Variants in LRP6 observed in about 807,000 individuals in gnomAD.
The protein encoded by LRP6 is low-density lipoprotein receptor-related protein 6.
Under a neutral mutation model 184.1 loss-of-function variants are expected in LRP6, and 43 were observed. That is an observed-to-expected ratio of 0.23 (90% confidence interval 0.18 to 0.30). The LOEUF is 0.30. Ranked by LOEUF, LRP6 falls within the 10% of genes least tolerant of loss-of-function variation. The probability of loss-of-function intolerance (pLI) is 1.00; values close to 1 mark genes in which losing one functional copy is unlikely to be tolerated. For synonymous variants in LRP6, 719 were observed against 684.9 expected, an observed-to-expected ratio of 1.05 and a Z score of -0.78; for missense variants, 1,571 against 2,005.3, an observed-to-expected ratio of 0.78 and a Z score of 4.14.
In LRP6 at chr12:12,119,366, A is replaced by C. The variant is rs1162750239; in HGVS notation, c.*1760T>G. 1 of 152,138 alleles carries C rather than the reference A, an allele frequency of 6.6e-6. No homozygotes were observed. The highest frequency in any genetic ancestry group is 1.5e-5 in the Non-Finnish European group (1 of 68,026). 9.4% of individuals were successfully genotyped at this position (152,138 alleles called of 1,614,324 possible). Reference sequence around the variant, plus strand: ...CAGAATTAAAAAAGAAAAAAAAAAAATTCAATAATTAACTGACCAACACCT... The same window carrying C: ...CAGAATTAAAAAAGAAAAAAAAAAACTTCAATAATTAACTGACCAACACCT... On this transcript the variant is annotated 3_prime_UTR_variant, in exon 23 of 23. Transcript: ENST00000261349.
chr12:12,193,772 A>T (rs373122281), intron 3 of LRP6, among the ~76,000 whole-genome samples: 1 of 152,106 alleles, frequency 6.6e-6, no homozygotes, highest in South Asian at 2.1e-4. Context: ...CCATGCCCAG[A>T]TGGCAGGAAA....
rs550296963 is a variant in LRP6 at position 12,152,168 on chromosome 12, G to T, written c.2792-1130C>A. Among the ~76,000 whole-genome samples the T allele has an allele frequency of 9.2e-5, 14 of 152,158 alleles. No homozygotes were observed. In the East Asian group the frequency reaches 2.3e-3, roughly 25 times the overall value. On this transcript the variant is annotated intron_variant, in intron 12 of 22. Transcript: ENST00000261349. Reference sequence around the variant, plus strand: ...AATAAGTCTCATGAGATCTGAAGGGGTTCCCACTTTTGCTTCTTTCTCATT... The same window carrying T: ...AATAAGTCTCATGAGATCTGAAGGGTTTCCCACTTTTGCTTCTTTCTCATT...
intron 1 of LRP6, among the ~76,000 whole-genome samples, chr12:12,249,818 A>G (rs1172525607): frequency 6.6e-6 from 1 of 152,030 alleles, no homozygotes; most frequent in Non-Finnish European, 1.5e-5. Context: ...TGTCCCTCTA[A>G]CTTTTTGTTG....
At chr12:12,158,719 C>A (rs1028317058) in intron 12 of LRP6, 110 bp downstream of exon 12, 3 of 1,050,780 alleles carry the variant, frequency 2.9e-6, no homozygotes, top group African/African-American at 1.6e-5. Context: ...AAACAAATAA[C>A]CCCCTCTGGA....
At chr12:12,155,604 T>A (rs917597641) in intron 12 of LRP6, 1 of 809,098 alleles carries the variant, frequency 1.2e-6, no homozygotes, top group African/African-American at 1.7e-5. Flanking sequence ...AAATGGAAAG[T>A]TATCAGAAAA....
intron 12 of LRP6, chr12:12,155,805 G>C: frequency 1.5e-6 from 1 of 648,152 alleles, no homozygotes. Context: ...CTTCTGGACT[G>C]TTAAAAAAAA....
intron 17 of LRP6, 125 bp downstream of exon 17, chr12:12,135,045 TGAATG>T (rs1949814156): frequency 7.7e-7 from 1 of 1,296,316 alleles, no homozygotes; most frequent in African/African-American, 1.5e-5. Flanking sequence ...ACAATACAAA[TGAATG>T]GAACACACGC....
chr12:12,238,006 C>T (rs1482224026), intron 2 of LRP6, among the ~76,000 whole-genome samples: 1 of 152,040 alleles, frequency 6.6e-6, no homozygotes, highest in Non-Finnish European at 1.5e-5. Context: ...TACACTAGAG[C>T]TATGTACAAT....
At position 12,180,001 on chromosome 12, in the gene LRP6, A is replaced by G. The variant is rs1591920166; in HGVS notation, c.1374-20T>C. The G allele has an allele frequency of 6.2e-7, 1 of 1,604,334 alleles. No individual in the cohort carries two copies. The highest frequency in any genetic ancestry group is 8.5e-7 in the Non-Finnish European group (1 of 1,171,320). The stretch of plus-strand genomic sequence containing the variant: ...ATGTACCTAGAGAAGTATACAAAAA[A>G]TGAGCTAAAAATAGATAATAAAATG... On this transcript the variant is annotated intron_variant, in intron 6 of 22. Transcript: ENST00000261349.
intron 8 of LRP6, 121 bp downstream of exon 8, chr12:12,164,946 AAAAAAAAAAGGC>A: frequency 2.2e-6 from 1 of 454,642 alleles, no homozygotes; most frequent in Non-Finnish European, 3.7e-6. Context: ...AAAAAAAAAA[AAAAAAAAAAGGC>A]GGGGGGGCAG....
chr12:12,167,761 C>G (rs997191692), intron 7 of LRP6, among the ~76,000 whole-genome samples: 1 of 152,054 alleles, frequency 6.6e-6, no homozygotes, highest in Admixed American at 6.5e-5. Context: ...GGTTCCTGTC[C>G]TTTAAAAATC....
At chr12:12,262,453 G>A (rs1198878982) in intron 1 of LRP6, among the ~76,000 whole-genome samples, 1 of 151,926 alleles carries the variant, frequency 6.6e-6, no homozygotes, top group East Asian at 1.9e-4. Context: ...AGCTACTCAG[G>A]AGGCTGAGAC....
intron 3 of LRP6, among the ~76,000 whole-genome samples, chr12:12,193,372 TA>T (rs544400888): frequency 7.9e-3 from 1,047 of 132,656 alleles, no homozygotes; most frequent in African/African-American, 0.011. Context: ...ACATTAGGGT[TA>T]AAAAAAAAAA....
intron 2 of LRP6, among the ~76,000 whole-genome samples, chr12:12,208,481 A>C (rs1185488653): frequency 6.6e-6 from 1 of 152,224 alleles, no homozygotes; most frequent in East Asian, 1.9e-4. Flanking sequence ...TTTCTTAGAA[A>C]CCTTTCCCAG....
intron 7 of LRP6, among the ~76,000 whole-genome samples, chr12:12,168,878 T>C (rs1360606243): frequency 6.6e-6 from 1 of 152,090 alleles, no homozygotes; most frequent in African/African-American, 2.4e-5. Context: ...ACATAGCATA[T>C]CACCTCTACT....
rs575326804 is a variant in LRP6 at position 12,156,324 on chromosome 12, G to A, written c.2791+2505C>T. ...AAGCAGTTCAACAGTCATGAAGCGG[G>A]AGTACCCGGCCTAGCTGAAACCAGC... On this transcript the variant is annotated intron_variant, in intron 12 of 22. Transcript: ENST00000261349. Among the ~76,000 whole-genome samples, 4 of 152,332 alleles carry A rather than the reference G, an allele frequency of 2.6e-5. No homozygotes were observed. In the South Asian group the frequency reaches 8.3e-4, roughly 32 times the overall value.
At chr12:12,176,029 A>G (rs987972812) in intron 7 of LRP6, among the ~76,000 whole-genome samples, 2 of 147,198 alleles carry the variant, frequency 1.4e-5, no homozygotes, top group Non-Finnish European at 3.0e-5. Context: ...CTGATCCTAA[A>G]AAAAAAAAAA....
intron 2 of LRP6, among the ~76,000 whole-genome samples, chr12:12,233,792 T>C (rs11054736): frequency 0.15 from 22,757 of 152,136 alleles, 1,910 homozygotes; most frequent in Non-Finnish European, 0.19. Context: ...TTTTTAGAGA[T>C]GGAAAATAAA....
Position 12,186,914 on chromosome 12 carries a change from A to G in LRP6, c.844+9T>C. 1 of 1,613,402 alleles carries G rather than the reference A, an allele frequency of 6.2e-7. No individual in the cohort carries two copies. The highest frequency in any genetic ancestry group is 8.5e-7 in the Non-Finnish European group (1 of 1,179,296). Reference sequence around the variant, plus strand: ...CCAACTTGCAATTTAAAAATCAAGGATCACTTACCATTTGGCTGCCTCTGT... The same window carrying G: ...CCAACTTGCAATTTAAAAATCAAGGGTCACTTACCATTTGGCTGCCTCTGT... On this transcript the variant is annotated intron_variant, in intron 4 of 22. Transcript: ENST00000261349.
Sources: allele counts gnomAD v4.1 joint callset (sites outside exome capture counted in the v4.1 genomes callset), GRCh38; gene constraint gnomAD v4.1.1; transcripts MANE v1.5; gene names NCBI Gene and HGNC (gene_info 2026-07-23, HGNC 2026-07-21).